CFH: variants seen among roughly 807,000 people sequenced by gnomAD.
The protein encoded by CFH is complement factor H.
Under a neutral mutation model 147.3 loss-of-function variants are expected in CFH, and 53 were observed. The ratio of observed to expected loss-of-function variants is 0.36; its 90% CI spans 0.29 to 0.45. The LOEUF (loss-of-function observed/expected upper bound fraction) is 0.45. Ranked by LOEUF, CFH falls within the 20% of genes least tolerant of loss-of-function variation. The probability of loss-of-function intolerance (pLI) is 1.00; values close to 1 mark genes in which losing one functional copy is unlikely to be tolerated. For missense variants in CFH, 1,380 were observed against 1,498.0 expected (o/e 0.92, Z 1.30); for synonymous variants, 536 against 489.4 (o/e 1.10, Z -1.26).
intron 14 of CFH, among the ~76,000 whole-genome samples, chr1:196,727,985 T>G (rs553880591): frequency 6.6e-6 from 1 of 152,168 alleles, no homozygotes; most frequent in Non-Finnish European, 1.5e-5. Context: ...GGGACCCTCA[T>G]TCACTTTTCT....
At chr1:196,716,263 T>C (rs1352450254) in intron 11 of CFH, among the ~76,000 whole-genome samples, 1 of 152,108 alleles carries the variant, frequency 6.6e-6, no homozygotes, top group African/African-American at 2.4e-5. Context: ...AGAAGAAGGA[T>C]TGGCTCTGTG....
chr1:196,714,635 GTA>G lies in CFH; in HGVS notation c.1519+751_1519+752del, dbSNP rs1176351357. On this transcript the variant is annotated intron_variant, in intron 10 of 21. Coordinates refer to ENST00000367429, the MANE Select transcript of CFH (RefSeq NM_000186.4). ...TGTGTGTGTGTGTATACGTATATAT[GTA>G]TATATATATATATATATATATATAT... Among the ~76,000 whole-genome samples the G allele has an allele frequency of 5.1e-3, 127 of 24,902 alleles. 4 individuals are homozygous for G. Among genetic ancestry groups the G allele is most frequent in the South Asian group, 0.014 (6 of 438 alleles). 16.3% of individuals were successfully genotyped at this position (24,902 alleles called of 152,430 possible).
intron 17 of CFH, 57 bp downstream of exon 17, chr1:196,737,717 T>C: frequency 1.4e-6 from 2 of 1,444,084 alleles, no homozygotes. Context: ...AAAAATAATC[T>C]CTTGTTATCA....
chr1:196,653,183 T>C (rs1558146684), intron 1 of CFH, among the ~76,000 whole-genome samples: 1 of 151,774 alleles, frequency 6.6e-6, no homozygotes, highest in Admixed American at 6.6e-5. Flanking sequence ...TTATACACTT[T>C]GGTAATTTAA....
At chr1:196,742,784 T>C (rs1440435506) in intron 19 of CFH, among the ~76,000 whole-genome samples, 1 of 152,184 alleles carries the variant, frequency 6.6e-6, no homozygotes, top group Non-Finnish European at 1.5e-5. Flanking sequence ...TACACATGGA[T>C]ATGAAACTCT....
At chr1:196,721,485 T>C (rs993534483) in intron 11 of CFH, among the ~76,000 whole-genome samples, 5 of 152,154 alleles carry the variant, frequency 3.3e-5, no homozygotes, top group Admixed American at 1.3e-4. Flanking sequence ...ATATGGTCTA[T>C]TTTGGAGAAT....
intron 15 of CFH, among the ~76,000 whole-genome samples, chr1:196,731,189 G>A (rs207460972): frequency 6.6e-6 from 1 of 151,638 alleles, no homozygotes; most frequent in African/African-American, 2.4e-5. Flanking sequence ...ATGACTTTCT[G>A]TAGCCATATG....
At chr1:196,659,318 T>C (rs1459992135) in intron 1 of CFH, among the ~76,000 whole-genome samples, 1 of 152,218 alleles carries the variant, frequency 6.6e-6, no homozygotes, top group Non-Finnish European at 1.5e-5. Context: ...AGTGAATCAT[T>C]ACCTTAAATA....
intron 7 of CFH, among the ~76,000 whole-genome samples, chr1:196,688,360 A>T (rs1667899498): frequency 6.6e-6 from 1 of 152,076 alleles, no homozygotes; most frequent in South Asian, 2.1e-4. Context: ...CATCAAAATT[A>T]TTTTTCTCTC....
intron 15 of CFH, among the ~76,000 whole-genome samples, chr1:196,733,105 A>T (rs1669317439): frequency 6.6e-6 from 1 of 152,000 alleles, no homozygotes; most frequent in Non-Finnish European, 1.5e-5. Context: ...TGCATGGCTA[A>T]ACTTGGTCCA....
rs1653040477 is a variant in CFH at position 196,747,147 on chromosome 1, A to T, written c.3530A>T (p.Tyr1177Phe). The T allele has an allele frequency of 2.5e-6, 4 of 1,613,906 alleles. No individual in the cohort carries two copies. Among genetic ancestry groups the T allele is most frequent in the Non-Finnish European group, 3.4e-6 (4 of 1,179,846 alleles). Residue 1177 changes from tyrosine to phenylalanine, a missense_variant, in exon 22 of 22, where the codon TAT (tyrosine) becomes TTT (phenylalanine). This residue lies in a region of CFH where 123 missense variants were observed against 185.3 expected (regional missense o/e 0.66). Coordinates refer to ENST00000367429, the MANE Select transcript of CFH (RefSeq NM_000186.4). ...ATATCCCGAGAAATTATGGAAAATT[A>T]TAACATAGCATTAAGGTGGACAGCC... ...CVISREIMEN[Y>F]NIALRWTAKQ...
At chr1:196,674,020 A>G (rs966958199) in intron 3 of CFH, 58 bp downstream of exon 3, 17 of 1,141,318 alleles carry the variant, frequency 1.5e-5, no homozygotes, top group Middle Eastern at 4.0e-4. Flanking sequence ...GAACTCTACT[A>G]CTTTATATAT....
chr1:196,723,485 C>G (rs555760204), intron 11 of CFH, among the ~76,000 whole-genome samples: 146 of 152,206 alleles, frequency 9.6e-4, no homozygotes, highest in Admixed American at 5.0e-3. Flanking sequence ...GCATCATGCC[C>G]TAGTGTCAGC....
At chr1:196,665,278 T>C (rs1297084084) in intron 1 of CFH, among the ~76,000 whole-genome samples, 1 of 151,298 alleles carries the variant, frequency 6.6e-6, no homozygotes, top group Admixed American at 6.6e-5. Context: ...AACAAAGTTT[T>C]AATGTGTATA....
intron 1 of CFH, among the ~76,000 whole-genome samples, chr1:196,659,494 AC>A (rs2149068739): frequency 6.6e-6 from 1 of 152,268 alleles, no homozygotes; most frequent in Admixed American, 6.5e-5. Context: ...CCTCAGAGGC[AC>A]CTCTCCTTGC....
chr1:196,715,894 T>A (rs183155055), intron 11 of CFH, 125 bp downstream of exon 11: 262 of 785,590 alleles, frequency 3.3e-4, no homozygotes, highest in Middle Eastern at 6.1e-4. Flanking sequence ...TATCTCCTGA[T>A]TTGACATAAA....
At chr1:196,709,902 A>C (rs1402948520) in intron 9 of CFH, among the ~76,000 whole-genome samples, 4 of 152,078 alleles carry the variant, frequency 2.6e-5, no homozygotes, top group Admixed American at 1.3e-4. Context: ...CCAGCTGCTC[A>C]GGAGATCTGA....
chr1:196,693,955 G>GGTGTGTGTGTGTGTGTGT (rs71567586), intron 9 of CFH, among the ~76,000 whole-genome samples: 7 of 142,758 alleles, frequency 4.9e-5, no homozygotes, highest in African/African-American at 1.6e-4. Flanking sequence ...TTAGATAAAT[G>GGTGTGTGTGTGTGTGTGT]GTGTGTGTGT....
intron 19 of CFH, among the ~76,000 whole-genome samples, chr1:196,742,761 A>G (rs1056335209): frequency 3.9e-5 from 6 of 152,240 alleles, no homozygotes; most frequent in African/African-American, 1.2e-4. Context: ...AAGCATTGCT[A>G]TAGTCTATTC....
Sources: allele counts gnomAD v4.1 joint callset (sites outside exome capture counted in the v4.1 genomes callset), GRCh38; gene constraint gnomAD v4.1.1; regional missense constraint gnomAD v4.1.1; transcripts MANE v1.5; gene names NCBI Gene and HGNC (gene_info 2026-07-23, HGNC 2026-07-21).